WASHC2A: variants seen among roughly 807,000 people sequenced by gnomAD.
WASHC2A encodes the protein WASH complex subunit FAM21A.
WASHC2A carries 82 observed loss-of-function variants against 140.3 expected under a neutral mutation model. That is an observed-to-expected ratio of 0.58 (90% confidence interval 0.49 to 0.70). The LOEUF is 0.70. WASHC2A is among the 30% of genes least tolerant of loss of function. WASHC2A has a pLI of 0.00. For synonymous variants in WASHC2A, 340 were observed against 560.8 expected, an observed-to-expected ratio of 0.61 and a Z score of 5.56; for missense variants, 985 against 1,521.8, an observed-to-expected ratio of 0.65 and a Z score of 5.87.
At chr10:50,092,530 G>A (rs1840031011) in intron 11 of WASHC2A, among the ~76,000 whole-genome samples, 2 of 151,926 alleles carry the variant, frequency 1.3e-5, no homozygotes, top group African/African-American at 4.8e-5. Context: ...GGTGGTGGGT[G>A]CCTGTTGTCC....
Position 50,131,090 on chromosome 10 carries a change from T to G in WASHC2A, c.3886+12T>G. On this transcript the variant is annotated intron_variant, in intron 30 of 30. Coordinates refer to ENST00000282633, the MANE Select transcript of WASHC2A (RefSeq NM_001005751.3). ...TGATGATGATATGGGTAAGTTTGGT[T>G]TTCTACATCTGACCTAGAGAATTCT... 4.3e-6 allele frequency: 7 copies of G among 1,611,998 alleles called. No individual in the cohort carries two copies. The South Asian group carries it at 7.7e-5, about 18-fold the overall frequency.
rs1554881354 is a variant in WASHC2A, at chr10:50,087,326, A to G, written c.732+4A>G. 1 of 1,613,992 alleles carries G rather than the reference A, an allele frequency of 6.2e-7. No individual in the cohort carries two copies. The highest frequency in any genetic ancestry group is 1.1e-5 in the South Asian group (1 of 91,078). On this transcript the variant is annotated splice_donor_region_variant and intron_variant, in intron 8 of 30. Coordinates refer to ENST00000282633, the MANE Select transcript of WASHC2A (RefSeq NM_001005751.3). ...TAGTGACAATGAACAAAACCGGGTA[A>G]GGCTCATATATTGAAATGACTTTGT...
At chr10:50,078,525 C>T (rs1359300411) in intron 3 of WASHC2A, 150 bp from the exon 4 acceptor site, 19 of 1,558,202 alleles carry the variant, frequency 1.2e-5, no homozygotes, top group Middle Eastern at 2.3e-4. Flanking sequence ...CCCACTGTTA[C>T]GGACACCCAC....
intron 8 of WASHC2A, among the ~76,000 whole-genome samples, chr10:50,090,374 A>G (rs1839770845): frequency 6.7e-6 from 1 of 148,832 alleles, no homozygotes; most frequent in Non-Finnish European, 1.5e-5. Flanking sequence ...GTGGTGGTGC[A>G]TGCGTGTAAT....
chr10:50,124,949 A>G (rs1484454450), intron 23 of WASHC2A, among the ~76,000 whole-genome samples, 164 bp from the exon 24 acceptor site: 2 of 148,694 alleles, frequency 1.3e-5, no homozygotes, highest in East Asian at 4.0e-4. Context: ...CATTTTGTCA[A>G]TGTTTCATTC....
At chr10:50,107,456 T>C (rs1280909882) in intron 19 of WASHC2A, among the ~76,000 whole-genome samples, 1 of 151,382 alleles carries the variant, frequency 6.6e-6, no homozygotes, top group Non-Finnish European at 1.5e-5. Flanking sequence ...TATGATGATA[T>C]AAAAAATCCT....
rs560558960 is a variant in WASHC2A at position 50,081,164 on chromosome 10, C to G, written c.528+233C>G. 3.4e-5 allele frequency among the ~76,000 whole-genome samples: 5 copies of G among 146,536 alleles called. No individual in the cohort carries two copies. The South Asian group carries it at 1.1e-3, about 33-fold the overall frequency. The stretch of plus-strand genomic sequence containing the variant: ...GCAAAGATGCAGAGCATGGCCTCTA[C>G]TCTCGAGGTGTGTGTTGCAGTCTGG... On this transcript the variant is annotated intron_variant, in intron 5 of 30. Transcript: ENST00000282633.
intron 3 of WASHC2A, among the ~76,000 whole-genome samples, chr10:50,075,741 C>T (rs1838254288): frequency 6.6e-6 from 1 of 151,726 alleles, no homozygotes; most frequent in Non-Finnish European, 1.5e-5. Flanking sequence ...TGTTTCTGCC[C>T]TCTGCTGTTT....
chr10:50,119,951 A>T (rs1288024734), intron 23 of WASHC2A, among the ~76,000 whole-genome samples, 182 bp downstream of exon 23: 1 of 137,232 alleles, frequency 7.3e-6, no homozygotes, highest in Non-Finnish European at 1.5e-5. Flanking sequence ...CTCAAGTAGC[A>T]GTGTTAGGAT....
chr10:50,069,251 C>T (rs1837572066), intron 2 of WASHC2A, among the ~76,000 whole-genome samples: 4 of 150,720 alleles, frequency 2.7e-5, no homozygotes, highest in East Asian at 2.0e-4. Flanking sequence ...ATGGTGAAAC[C>T]CCGTCTCTAC....
chr10:50,068,314 C>G, intron 2 of WASHC2A, 87 bp downstream of exon 2: 1 of 1,329,758 alleles, frequency 7.5e-7, no homozygotes, highest in Admixed American at 2.7e-5. Context: ...TGCCCCTGCA[C>G]CTGGCCCGTC....
At chr10:50,092,008 G>A (rs2805164) in intron 10 of WASHC2A, among the ~76,000 whole-genome samples, 154 bp from the exon 11 acceptor site, 79,892 of 142,244 alleles carry the variant, frequency 0.56, 19,033 homozygotes, top group Middle Eastern at 0.68. Flanking sequence ...ACTGTGGGCA[G>A]GGCCAGGGGG....
intron 5 of WASHC2A, 64 bp from the exon 6 acceptor site, chr10:50,084,008 G>T: frequency 6.4e-7 from 1 of 1,570,524 alleles, no homozygotes; most frequent in Non-Finnish European, 8.7e-7. Context: ...AGGGTATCAG[G>T]TGGCACATGT....
In WASHC2A at chr10:50,129,462, C is replaced by T. The variant is rs1843744974; in HGVS notation, c.3131C>T (p.Ala1044Val). The T allele has an allele frequency of 1.2e-6, 2 of 1,612,034 alleles. No homozygotes were observed. The highest frequency in any genetic ancestry group is 3.3e-5 in the Admixed American group (2 of 60,018). Residue 1044 changes from alanine to valine, a missense_variant, in exon 29 of 31, where the codon GCA (alanine) becomes GTA (valine). Ala to Val is a moderately conservative substitution (Grantham distance 64, BLOSUM62 0). Transcript: ENST00000282633. The part of the protein sequence containing the change: ...MRGKRRPQTR[A>V]ARRLAAQESS... ...GGGAAGCGTAGACCGCAGACCCGTG[C>T]AGCTAGGCGGCTGGCTGCTCAGGAG...
At chr10:50,104,322 T>G (rs1427425267) in intron 18 of WASHC2A, among the ~76,000 whole-genome samples, 179 bp downstream of exon 18, 1 of 151,022 alleles carries the variant, frequency 6.6e-6, no homozygotes, top group Non-Finnish European at 1.5e-5. Context: ...CCTTATATTT[T>G]CCTAGCTGTG....
At chr10:50,084,681 G>A (rs1250744413) in intron 6 of WASHC2A, among the ~76,000 whole-genome samples, 3 of 149,938 alleles carry the variant, frequency 2.0e-5, no homozygotes, top group South Asian at 2.1e-4. Flanking sequence ...TGCCCGCCTC[G>A]GCCTCCCAAA....
chr10:50,090,515 A>AAATATATATATATAT (rs1214596899), intron 8 of WASHC2A, among the ~76,000 whole-genome samples: 1 of 108,766 alleles, frequency 9.2e-6, no homozygotes, highest in African/African-American at 3.3e-5. Flanking sequence ...AAAAAAAAAA[A>AAATATATATATATAT]ATATATATAT....
At chr10:50,109,167 GA>G (rs1386565702) in intron 19 of WASHC2A, among the ~76,000 whole-genome samples, 19 of 152,306 alleles carry the variant, frequency 1.2e-4, no homozygotes, top group Middle Eastern at 3.4e-3. Context: ...CTGGCTTGTG[GA>G]CTCCAGTTTG....
At chr10:50,121,596 G>A (rs1411817071) in intron 23 of WASHC2A, among the ~76,000 whole-genome samples, 1 of 150,304 alleles carries the variant, frequency 6.7e-6, no homozygotes, top group Non-Finnish European at 1.5e-5. Flanking sequence ...GTTTCACCGT[G>A]TTGGCCACGC....
Sources: allele counts gnomAD v4.1 joint callset (sites outside exome capture counted in the v4.1 genomes callset), GRCh38; gene constraint gnomAD v4.1.1; transcripts MANE v1.5; gene names NCBI Gene and HGNC (gene_info 2026-07-23, HGNC 2026-07-21).